Variants in ACVR2A observed in about 807,000 individuals in gnomAD.
ACVR2A encodes the protein activin A receptor type 2A.
ACVR2A carries 7 observed loss-of-function variants against 61.4 expected under a neutral mutation model. The ratio of observed to expected loss-of-function variants is 0.11; its 90% CI spans 0.06 to 0.21. The LOEUF (loss-of-function observed/expected upper bound fraction) is 0.21, where lower values mean the gene tolerates loss of function less well. Among genes scored for constraint, ACVR2A ranks in the 10% least tolerant of loss-of-function variants. The probability of loss-of-function intolerance (pLI) is 1.00; values close to 1 mark genes in which losing one functional copy is unlikely to be tolerated. For synonymous variants in ACVR2A, 193 were observed against 208.3 expected, an observed-to-expected ratio of 0.93 and a Z score of 0.63; for missense variants, 322 against 621.7, an observed-to-expected ratio of 0.52 and a Z score of 5.13.
chr2:147,845,264 C>T (rs982200703), intron 1 of ACVR2A, 57 bp downstream of exon 1: 6 of 1,482,076 alleles, frequency 4.0e-6, no homozygotes, highest in Admixed American at 1.9e-5. Context: ...GCGGCCGCTG[C>T]TGGGGGCCGC....
intron 1 of ACVR2A, among the ~76,000 whole-genome samples, chr2:147,881,995 G>A (rs1324586125): frequency 1.3e-5 from 2 of 152,096 alleles, no homozygotes; most frequent in African/African-American, 4.8e-5. Flanking sequence ...TAAAAGGATG[G>A]TTGCTTGTCT....
rs1226871750 is a variant in ACVR2A at position 147,930,467 on chromosome 2, AATT to A, written c.*3197_*3199del. The A allele has an allele frequency of 6.6e-6, 1 of 152,250 alleles. No individual in the cohort carries two copies. The highest frequency in any genetic ancestry group is 1.5e-5 in the Non-Finnish European group (1 of 67,928). 9.4% of individuals were successfully genotyped at this position (152,250 alleles called of 1,614,324 possible). A position where few individuals can be genotyped will look rare whatever the true frequency, so the allele number is the denominator to read the frequency against. On this transcript the variant is annotated 3_prime_UTR_variant, in exon 11 of 11. Coordinates refer to ENST00000241416, the MANE Select transcript of ACVR2A (RefSeq NM_001616.5). Reference sequence around the variant, plus strand: ...GGAACATTTGGTATGATATGCATAAAATTATTTATCCATTTATGGGCAAAATGA... The same window carrying A: ...GGAACATTTGGTATGATATGCATAAAATTTATCCATTTATGGGCAAAATGA...
intron 1 of ACVR2A, among the ~76,000 whole-genome samples, chr2:147,854,883 C>G (rs1006893713): frequency 2.6e-5 from 4 of 151,812 alleles, no homozygotes; most frequent in African/African-American, 7.3e-5. Context: ...CTTTATCTGC[C>G]TATTTCTTTT....
At chr2:147,889,454 T>C (rs1293810405) in intron 1 of ACVR2A, among the ~76,000 whole-genome samples, 1 of 152,044 alleles carries the variant, frequency 6.6e-6, no homozygotes, top group Non-Finnish European at 1.5e-5. Flanking sequence ...CTCATAGAAG[T>C]AGACTTTTGG....
intron 4 of ACVR2A, among the ~76,000 whole-genome samples, chr2:147,910,426 C>G (rs147038872): frequency 1.9e-4 from 29 of 152,228 alleles, no homozygotes; most frequent in African/African-American, 7.0e-4. Context: ...ATTAATTTTA[C>G]TCTGGAGTAC....
chr2:147,900,090 T>G (rs545288390), intron 4 of ACVR2A, among the ~76,000 whole-genome samples, 192 bp downstream of exon 4: 86 of 152,276 alleles, frequency 5.6e-4, no homozygotes, highest in Non-Finnish European at 9.6e-4. Flanking sequence ...CTTTTCTCAC[T>G]TTAGGGTTGA....
intron 2 of ACVR2A, 172 bp from the exon 3 acceptor site, chr2:147,899,286 G>A (rs1251398966): frequency 1.3e-5 from 6 of 444,988 alleles, no homozygotes; most frequent in African/African-American, 2.0e-5. Context: ...AAGAGATTTA[G>A]TAACAGGAAT....
At chr2:147,874,001 G>C (rs1423779731) in intron 1 of ACVR2A, among the ~76,000 whole-genome samples, 4 of 152,006 alleles carry the variant, frequency 2.6e-5, no homozygotes, top group African/African-American at 9.6e-5. Flanking sequence ...TAATATAGTA[G>C]AGAGGAAGAG....
At chr2:147,861,572 A>G (rs1453998349) in intron 1 of ACVR2A, among the ~76,000 whole-genome samples, 1 of 152,192 alleles carries the variant, frequency 6.6e-6, no homozygotes, top group Non-Finnish European at 1.5e-5. Context: ...GTGTGACAGC[A>G]TGATGCTCAA....
At chr2:147,860,257 A>G (rs1276221200) in intron 1 of ACVR2A, among the ~76,000 whole-genome samples, 1 of 152,114 alleles carries the variant, frequency 6.6e-6, no homozygotes, top group Non-Finnish European at 1.5e-5. Flanking sequence ...AGGGTAATAT[A>G]ATCATGTCTT....
chr2:147,902,010 G>A (rs1686881174), intron 4 of ACVR2A, among the ~76,000 whole-genome samples: 2 of 151,884 alleles, frequency 1.3e-5, no homozygotes, highest in Non-Finnish European at 2.9e-5. Flanking sequence ...ATTTTACAGT[G>A]TACTAGGGCA....
intron 10 of ACVR2A, 126 bp from the exon 11 acceptor site, chr2:147,926,954 A>C (rs1687514838): frequency 4.5e-6 from 4 of 891,846 alleles, no homozygotes; most frequent in Non-Finnish European, 6.8e-6. Context: ...GTAGTCAATA[A>C]AAGTGAATGT....
intron 2 of ACVR2A, among the ~76,000 whole-genome samples, chr2:147,897,660 T>TA (rs1686771928): frequency 6.6e-6 from 1 of 152,176 alleles, no homozygotes; most frequent in African/African-American, 2.4e-5. Flanking sequence ...TGTGTTTGAT[T>TA]AGCTGTATGT....
chr2:147,888,156 A>G (rs1286387039), intron 1 of ACVR2A, among the ~76,000 whole-genome samples: 18 of 152,052 alleles, frequency 1.2e-4, no homozygotes, highest in Admixed American at 1.0e-3. Context: ...TCTGGGTCCT[A>G]TATCTTTTTC....
intron 1 of ACVR2A, among the ~76,000 whole-genome samples, chr2:147,848,368 C>A (rs1019816549): frequency 1.3e-5 from 2 of 152,126 alleles, no homozygotes; most frequent in Non-Finnish European, 2.9e-5. Flanking sequence ...CCCTACTTCC[C>A]CAGATCCCCA....
At chr2:147,903,056 G>A (rs1686907962) in intron 4 of ACVR2A, 1 of 151,914 alleles carries the variant, frequency 6.6e-6, no homozygotes, top group Admixed American at 6.6e-5. Context: ...GCAGTTAGGT[G>A]AGGGATTCTT....
intron 1 of ACVR2A, among the ~76,000 whole-genome samples, chr2:147,893,294 G>A (rs1253037062): frequency 6.6e-6 from 1 of 152,122 alleles, no homozygotes; most frequent in Non-Finnish European, 1.5e-5. Flanking sequence ...GATGGACATA[G>A]GAGTGTTTTT....
intron 8 of ACVR2A, 59 bp from the exon 9 acceptor site, chr2:147,922,914 C>A: frequency 1.3e-6 from 2 of 1,561,382 alleles, no homozygotes; most frequent in South Asian, 1.2e-5. Context: ...CTTACAAAAT[C>A]ATATGTTAGT....
At chr2:147,885,690 A>C (rs6711673) in intron 1 of ACVR2A, among the ~76,000 whole-genome samples, 49,481 of 151,918 alleles carry the variant, frequency 0.33, 8,299 homozygotes, top group East Asian at 0.51. Context: ...AAGATTATTC[A>C]CTTCATGATA....
Sources: allele counts gnomAD v4.1 joint callset (sites outside exome capture counted in the v4.1 genomes callset), GRCh38; gene constraint gnomAD v4.1.1; transcripts MANE v1.5; gene names NCBI Gene and HGNC (gene_info 2026-07-23, HGNC 2026-07-21).